CCDC30: variants seen among roughly 807,000 people sequenced by gnomAD.
CCDC30 encodes coiled-coil domain-containing protein 30.
A neutral mutation model predicts 100.2 loss-of-function variants in CCDC30; 70 were observed. The ratio of observed to expected loss-of-function variants is 0.70; its 90% CI spans 0.58 to 0.85. CCDC30 has a LOEUF of 0.85. Ranked by LOEUF, CCDC30 falls within the 40% of genes least tolerant of loss-of-function variation. CCDC30 has a pLI of 0.00. For synonymous variants in CCDC30, 233 were observed against 269.5 expected (o/e 0.86, Z 1.33); for missense variants, 652 against 771.2 (o/e 0.85, Z 1.83).
In CCDC30 at chr1:42,623,477, T is replaced by C. The variant is rs1157391619; in HGVS notation, c.1277+12387T>C. On this transcript the variant is annotated intron_variant, in intron 11 of 16. Transcript: ENST00000668663. ...TGGACATCCAGTTTTCCCAGCACCATTTATTGAAGAGACTATCTTTTCCCT... is the reference window on the plus strand; with the variant it reads ...TGGACATCCAGTTTTCCCAGCACCACTTATTGAAGAGACTATCTTTTCCCT... Among the ~76,000 whole-genome samples the C allele has an allele frequency of 3.3e-5, 5 of 152,344 alleles. No individual in the cohort carries two copies. In the East Asian group the frequency reaches 9.6e-4, roughly 29 times the overall value.
At chr1:42,576,396 G>A (rs1645837986) in intron 7 of CCDC30, among the ~76,000 whole-genome samples, 1 of 152,218 alleles carries the variant, frequency 6.6e-6, no homozygotes, top group Admixed American at 6.5e-5. Flanking sequence ...CAAAAGTTTG[G>A]ATGGTGGCAT....
intron 6 of CCDC30, among the ~76,000 whole-genome samples, chr1:42,563,499 C>A (rs369029813): frequency 1.1e-4 from 17 of 152,104 alleles, no homozygotes; most frequent in African/African-American, 3.4e-4. Flanking sequence ...TGGGTCAATA[C>A]GTGCAGCAAG....
At chr1:42,598,780 G>A (rs1382181288) in intron 10 of CCDC30, among the ~76,000 whole-genome samples, 2 of 151,816 alleles carry the variant, frequency 1.3e-5, no homozygotes, top group Admixed American at 6.6e-5. Flanking sequence ...AAAGGTGAGG[G>A]CCAGGTGTGG....
intron 1 of CCDC30, among the ~76,000 whole-genome samples, chr1:42,471,953 G>A (rs1158770838): frequency 2.6e-5 from 4 of 152,192 alleles, no homozygotes; most frequent in Non-Finnish European, 1.5e-5. Flanking sequence ...GTCTGTCACT[G>A]CAATTTGGGT....
In CCDC30 at chr1:42,512,516, A is replaced by G. The variant is rs150059933; in HGVS notation, c.456+13600A>G. On this transcript the variant is annotated intron_variant, in intron 6 of 16. Transcript: ENST00000668663. ...CCCCTGAGTTATATCCTTTGTTACT[A>G]TAGAATTTCCTGATCTTGCCTAACA... 5.2e-3 allele frequency among the ~76,000 whole-genome samples: 789 copies of G among 152,264 alleles called. 6 individuals carry two copies. The highest frequency in any genetic ancestry group is 0.018 in the African/African-American group (762 of 41,554).
intron 6 of CCDC30, among the ~76,000 whole-genome samples, chr1:42,503,016 A>G (rs1644344222): frequency 6.6e-6 from 1 of 152,056 alleles, no homozygotes; most frequent in Non-Finnish European, 1.5e-5. Context: ...CTGAGTAGCT[A>G]GGACTATAAA....
chr1:42,488,553 C>T (rs1215544269), intron 3 of CCDC30, among the ~76,000 whole-genome samples: 1 of 152,134 alleles, frequency 6.6e-6, no homozygotes, highest in Non-Finnish European at 1.5e-5. Flanking sequence ...TCAAGCAATC[C>T]TCATGCCTCA....
chr1:42,457,276 G>A, the CCDC30 span: 1 of 1,614,186 alleles, frequency 6.2e-7, no homozygotes, highest in African/African-American at 1.3e-5. Context: ...CCTGGCTGCG[G>A]CTGTGTCAGA....
intron 1 of CCDC30, among the ~76,000 whole-genome samples, chr1:42,472,106 T>C (rs1243860996): frequency 6.6e-6 from 1 of 152,008 alleles, no homozygotes; most frequent in Non-Finnish European, 1.5e-5. Context: ...ATACAAAAAT[T>C]AGCCAGGTGT....
chr1:42,546,387 A>C (rs1365282760), intron 6 of CCDC30, among the ~76,000 whole-genome samples: 1 of 8,568 alleles, frequency 1.2e-4, no homozygotes, highest in African/African-American at 2.6e-4. Flanking sequence ...TTCTGTCTCA[A>C]AAAAAAAAAA....
chr1:42,624,373 T>A (rs1426507589), intron 11 of CCDC30, among the ~76,000 whole-genome samples: 1 of 152,246 alleles, frequency 6.6e-6, no homozygotes, highest in African/African-American at 2.4e-5. Flanking sequence ...ATATAATGTA[T>A]CACATTGATT....
intron 1 of CCDC30, among the ~76,000 whole-genome samples, chr1:42,479,565 T>TAAAAAAAAAA (rs150749741): frequency 7.1e-6 from 1 of 139,952 alleles, no homozygotes. Context: ...AGACATATGC[T>TAAAAAAAAAA]TAAAAAAAAA....
At chr1:42,581,665 A>G (rs1417728014) in intron 9 of CCDC30, 151 bp downstream of exon 13, 2 of 620,986 alleles carry the variant, frequency 3.2e-6, no homozygotes, top group Non-Finnish European at 5.5e-6. Flanking sequence ...GATGTATTGC[A>G]CTTACCACAC....
intron 6 of CCDC30, among the ~76,000 whole-genome samples, chr1:42,521,934 G>A (rs12046461): frequency 0.4 from 60,621 of 151,584 alleles, 12,696 homozygotes; most frequent in East Asian, 0.59. Context: ...TTCACATTCA[G>A]TCTACTTTTA....
intron 6 of CCDC30, among the ~76,000 whole-genome samples, chr1:42,544,188 T>C (rs1213914889): frequency 6.6e-6 from 1 of 152,146 alleles, no homozygotes; most frequent in Non-Finnish European, 1.5e-5. Flanking sequence ...CCACTGCGCC[T>C]AGCCCATCTT....
intron 6 of CCDC30, among the ~76,000 whole-genome samples, chr1:42,556,785 C>G (rs544739106): frequency 7.6e-4 from 115 of 152,304 alleles, no homozygotes; most frequent in Admixed American, 1.3e-3. Context: ...TTCATAAACT[C>G]CATCTAAGCT....
chr1:42,456,675 T>C, the CCDC30 span: 1 of 1,591,618 alleles, frequency 6.3e-7, no homozygotes, highest in African/African-American at 1.3e-5. Flanking sequence ...GGCCGGCGGG[T>C]GGTGTTGGTT....
upstream of CCDC30, among the ~76,000 whole-genome samples, chr1:42,458,347 T>A (rs987857674): frequency 6.6e-6 from 1 of 152,218 alleles, no homozygotes; most frequent in South Asian, 2.1e-4. Flanking sequence ...GTTGTGATTT[T>A]AGATTTTTGG....
intron 4 of CCDC30, among the ~76,000 whole-genome samples, chr1:42,493,128 C>A (rs1644172652): frequency 6.6e-6 from 1 of 151,742 alleles, no homozygotes; most frequent in South Asian, 2.1e-4. Context: ...AGAAAGGACT[C>A]AAAATAATCT....
Sources: allele counts gnomAD v4.1 joint callset (sites outside exome capture counted in the v4.1 genomes callset), GRCh38; gene constraint gnomAD v4.1.1; transcripts MANE v1.5; gene names NCBI Gene and HGNC (gene_info 2026-07-23, HGNC 2026-07-21).